The following STAT4 variants were observed in gnomAD, a reference collection of about 807,000 sequenced individuals.
STAT4 encodes the protein signal transducer and activator of transcription 4.
A neutral mutation model predicts 110.5 loss-of-function variants in STAT4; 42 were observed. That is an observed-to-expected ratio of 0.38 (90% CI 0.30 to 0.49). The LOEUF (loss-of-function observed/expected upper bound fraction) is 0.49. Ranked by LOEUF, STAT4 falls within the 20% of genes least tolerant of loss-of-function variation. The probability of loss-of-function intolerance (pLI) is 0.95; values close to 1 mark genes in which losing one functional copy is unlikely to be tolerated. For missense variants in STAT4, 632 were observed against 887.9 expected (o/e 0.71, Z 3.66); for synonymous variants, 284 against 302.2 (o/e 0.94, Z 0.63).
At chr2:191,124,816 A>G (rs73982621) in intron 3 of STAT4, among the ~76,000 whole-genome samples, 332 of 152,264 alleles carry the variant, frequency 2.2e-3, no homozygotes, top group African/African-American at 7.5e-3. Context: ...ATTCTCTCAC[A>G]AGTCCAGAAC....
chr2:191,041,040 T>C (rs773797893), intron 15 of STAT4, 25 bp downstream of exon 15: 1 of 1,373,728 alleles, frequency 7.3e-7, no homozygotes, highest in Non-Finnish European at 9.5e-7. Context: ...CATTAGTAAA[T>C]AGTGTATGTT....
At position 191,141,036 on chromosome 2, in the gene STAT4, G is replaced by T. The variant is rs534198298; in HGVS notation, c.273+5577C>A. On this transcript the variant is annotated intron_variant, in intron 3 of 23. Transcript: ENST00000392320. The stretch of plus-strand genomic sequence containing the variant: ...CTCACAAGTGGGAGCTAAGCTATGA[G>T]GATGCAAAGGCATAAGAGTGATATA... 2.4e-4 allele frequency among the ~76,000 whole-genome samples: 36 copies of T among 152,128 alleles called. 1 individual carries two copies. In the South Asian group the frequency reaches 7.5e-3, roughly 32 times the overall value.
Position 191,033,632 on chromosome 2 carries a change from A to T in STAT4, c.1716-6T>A, listed in dbSNP as rs753683519. 5 of 1,610,444 alleles carry T rather than the reference A, an allele frequency of 3.1e-6. No individual in the cohort carries two copies. The highest frequency in any genetic ancestry group is 3.4e-6 in the Non-Finnish European group (4 of 1,179,010). ...TAACAAAGCCCATGACATACCTAAA[A>T]ATAGAACATGCATTATTTCATCTGA... On this transcript the variant is annotated splice_region_variant and splice_polypyrimidine_tract_variant and intron_variant, in intron 19 of 23. Transcript: ENST00000392320. The surrounding 1 kb of genome is among the most constrained non-coding windows in gnomAD (Gnocchi z 6.9).
rs1440664353 is a variant in STAT4, at chr2:191,053,326, C to T, written c.1251+1164G>A. ...AGCACGGGCTGTTGAGCATGACTAT[C>T]CTGCTCTCTTAGAGGAAAAAAATGC... On this transcript the variant is annotated intron_variant, in intron 14 of 23. Coordinates refer to ENST00000392320, the MANE Select transcript of STAT4 (RefSeq NM_003151.4). The surrounding 1 kb of genome is among the most constrained non-coding windows in gnomAD (Gnocchi z 4.5). Among the ~76,000 whole-genome samples the T allele has an allele frequency of 1.3e-5, 2 of 152,200 alleles. No individual in the cohort carries two copies. Among genetic ancestry groups the T allele is most frequent in the African/African-American group, 4.8e-5 (2 of 41,444 alleles).
chr2:191,049,907 A>G (rs893169026), intron 14 of STAT4, among the ~76,000 whole-genome samples: 1 of 152,222 alleles, frequency 6.6e-6, no homozygotes, highest in Non-Finnish European at 1.5e-5. Flanking sequence ...AACTCTTTAA[A>G]TTAGTTCAGC....
At chr2:191,149,195 A>G (rs10497711) in intron 1 of STAT4, among the ~76,000 whole-genome samples, 10,985 of 152,214 alleles carry the variant, frequency 0.072, 442 homozygotes, top group East Asian at 0.18. Context: ...ATTAATCACC[A>G]TAACATTTCA....
At position 191,110,571 on chromosome 2, in the gene STAT4, G is replaced by A. The variant is rs1353197019; in HGVS notation, c.274-34246C>T. Reference sequence around the variant, plus strand: ...CTGGGTGTCATACTAATTCCAATCTGAAAGTCTGAAAAAGACTTTTCTTTT... The same window carrying A: ...CTGGGTGTCATACTAATTCCAATCTAAAAGTCTGAAAAAGACTTTTCTTTT... On this transcript the variant is annotated intron_variant, in intron 3 of 23. Transcript: ENST00000392320. The surrounding 1 kb of genome is among the most constrained non-coding windows in gnomAD (Gnocchi z 4.5). 6.6e-6 allele frequency among the ~76,000 whole-genome samples: 1 copy of A among 152,018 alleles called. No homozygotes were observed. Among genetic ancestry groups the A allele is most frequent in the Admixed American group, 6.5e-5 (1 of 15,268 alleles).
chr2:191,076,161 A>G (rs1221142950), intron 4 of STAT4, 66 bp downstream of exon 4: 1 of 1,344,864 alleles, frequency 7.4e-7, no homozygotes, highest in East Asian at 2.3e-5. Flanking sequence ...ACCAAAGATA[A>G]TAATTTCTGT....
At position 191,138,630 on chromosome 2, in the gene STAT4, A is replaced by G. The variant is rs1445796613; in HGVS notation, c.273+7983T>C. ...AGTAGTTTAAAAAAAATTGCCAACC[A>G]AAAAAGTCCAGGACCAGATGGATTC... On this transcript the variant is annotated intron_variant, in intron 3 of 23. Coordinates refer to ENST00000392320, the MANE Select transcript of STAT4 (RefSeq NM_003151.4). The surrounding 1 kb of genome is among the most constrained non-coding windows in gnomAD (Gnocchi z 4.3). Among the ~76,000 whole-genome samples the G allele has an allele frequency of 6.6e-6, 1 of 152,202 alleles. No individual in the cohort carries two copies. Among genetic ancestry groups the G allele is most frequent in the Admixed American group, 6.5e-5 (1 of 15,278 alleles).
chr2:191,128,196 T>C (rs1698935545), intron 3 of STAT4, among the ~76,000 whole-genome samples: 1 of 152,226 alleles, frequency 6.6e-6, no homozygotes, highest in African/African-American at 2.4e-5. Flanking sequence ...GGGAAATAAC[T>C]GTGGAGTGCT....
chr2:191,107,164 C>T lies in STAT4; in HGVS notation c.274-30839G>A, dbSNP rs1698305337. Among the ~76,000 whole-genome samples, 1 of 152,112 alleles carries T rather than the reference C, an allele frequency of 6.6e-6. No homozygotes were observed. The highest frequency in any genetic ancestry group is 2.1e-4 in the South Asian group (1 of 4,826). On this transcript the variant is annotated intron_variant, in intron 3 of 23. Coordinates refer to ENST00000392320, the MANE Select transcript of STAT4 (RefSeq NM_003151.4). The surrounding 1 kb of genome is among the most constrained non-coding windows in gnomAD (Gnocchi z 4.2). ...TAGTAAGATGAAAAATGGTTAAAAG[C>T]TTCAGGGTTTGAGGTGTCTTGTTTT...
rs1274182010 is a variant in STAT4, at chr2:191,077,169, T to G, written c.274-844A>C. ...TTACCAAGGTTAATGATGCAGATAC[T>G]GTAAATTGGCAGCCTGTGGGCCTAA... is the stretch of plus-strand genomic sequence containing the variant. On this transcript the variant is annotated intron_variant, in intron 3 of 23. Transcript: ENST00000392320. This position sits in a 1 kb window ranked among gnomAD's most constrained non-coding sequence, Gnocchi z 4.1. Among the ~76,000 whole-genome samples, 5 of 152,202 alleles carry G rather than the reference T, an allele frequency of 3.3e-5. No individual in the cohort carries two copies. Among genetic ancestry groups the G allele is most frequent in the Non-Finnish European group, 7.3e-5 (5 of 68,028 alleles).
intron 3 of STAT4, among the ~76,000 whole-genome samples, chr2:191,109,056 T>G (rs1698356102): frequency 6.6e-6 from 1 of 152,220 alleles, no homozygotes; most frequent in Admixed American, 6.5e-5. Context: ...CTATCTGAAT[T>G]GCAATGCACT....
intron 8 of STAT4, among the ~76,000 whole-genome samples, chr2:191,064,404 C>T (rs1415120650): frequency 6.6e-6 from 1 of 152,144 alleles, no homozygotes; most frequent in African/African-American, 2.4e-5. Flanking sequence ...TTTTCTATCC[C>T]TGACCCACAT....
rs970725636 is a variant in STAT4 at position 191,030,124 on chromosome 2, G to T, written c.2221-258C>A. 6.6e-6 allele frequency among the ~76,000 whole-genome samples: 1 copy of T among 152,136 alleles called. No homozygotes were observed. The highest frequency in any genetic ancestry group is 6.5e-5 in the Admixed American group (1 of 15,272). On this transcript the variant is annotated intron_variant, in intron 23 of 23. Transcript: ENST00000392320. The surrounding 1 kb of genome is among the most constrained non-coding windows in gnomAD (Gnocchi z 4.4). ...CACCAAAAACATAATGAGGAAATGG[G>T]TGCAAAATGTAGCAAATGTTCAGTT...
chr2:191,060,500 C>T lies in STAT4; in HGVS notation c.1034+1229G>A, dbSNP rs142297168. Among the ~76,000 whole-genome samples the T allele has an allele frequency of 1.0e-3, 157 of 152,286 alleles. No individual in the cohort carries two copies. The highest frequency in any genetic ancestry group is 3.7e-3 in the African/African-American group (153 of 41,538). On this transcript the variant is annotated intron_variant, in intron 10 of 23. Transcript: ENST00000392320. The surrounding 1 kb of genome is among the most constrained non-coding windows in gnomAD (Gnocchi z 4.5). ...GTGGCGTGAGTGCAGTGTACTGCAA[C>T]CTCTACCTACTGGGTTCAAGCGATT...
intron 3 of STAT4, among the ~76,000 whole-genome samples, chr2:191,111,280 A>T (rs1373365371): frequency 6.6e-6 from 1 of 152,188 alleles, no homozygotes; most frequent in Non-Finnish European, 1.5e-5. Flanking sequence ...TTTTCAATTT[A>T]GAGATATAGT....
rs1254261689 is a variant in STAT4 at position 191,113,919 on chromosome 2, G to C, written c.273+32694C>G. Among the ~76,000 whole-genome samples the C allele has an allele frequency of 6.6e-6, 1 of 152,150 alleles. No homozygotes were observed. The highest frequency in any genetic ancestry group is 2.4e-5 in the African/African-American group (1 of 41,440). ...CATTTTTGATATGCCTCTCCCTTCT[G>C]CTCAACCACCACAGACAGGAGGTTC... On this transcript the variant is annotated intron_variant, in intron 3 of 23. Transcript: ENST00000392320. The surrounding 1 kb of genome is among the most constrained non-coding windows in gnomAD (Gnocchi z 4.8).
chr2:191,145,751 A>C (rs952258522), intron 3 of STAT4, among the ~76,000 whole-genome samples: 34 of 152,228 alleles, frequency 2.2e-4, no homozygotes, highest in African/African-American at 8.2e-4. Flanking sequence ...TTGGATTCTA[A>C]AAATGTCTCC....
Sources: allele counts gnomAD v4.1 joint callset (sites outside exome capture counted in the v4.1 genomes callset), GRCh38; gene constraint gnomAD v4.1.1; non-coding constraint Gnocchi (gnomAD v3.1); transcripts MANE v1.5; gene names NCBI Gene and HGNC (gene_info 2026-07-23, HGNC 2026-07-21).